Variants in CBLB observed in about 807,000 individuals in gnomAD.
CBLB encodes the protein E3 ubiquitin-protein ligase CBL-B.
CBLB carries 31 observed loss-of-function variants against 104.9 expected under a neutral mutation model. That is an observed-to-expected ratio of 0.30 (90% CI 0.22 to 0.40). The LOEUF (loss-of-function observed/expected upper bound fraction) is 0.40. CBLB is among the 10% of genes least tolerant of loss of function. The pLI is 1.00. For missense variants in CBLB, 1,062 were observed against 1,214.6 expected (o/e 0.87, Z 1.87); for synonymous variants, 440 against 422.6 (o/e 1.04, Z -0.51).
At chr3:105,865,036 T>A (rs1006280024) in intron 2 of CBLB, among the ~76,000 whole-genome samples, 2 of 152,206 alleles carry the variant, frequency 1.3e-5, no homozygotes, top group South Asian at 2.1e-4. Context: ...TTTTCTGTTA[T>A]TCACAAACTA....
intron 3 of CBLB, among the ~76,000 whole-genome samples, chr3:105,796,658 A>G (rs2153005733): frequency 6.6e-6 from 1 of 152,360 alleles, no homozygotes. Flanking sequence ...CAACCTACAG[A>G]ATGGGAGAAA....
At chr3:105,685,107 C>T (rs2152737578) in intron 14 of CBLB, among the ~76,000 whole-genome samples, 1 of 152,212 alleles carries the variant, frequency 6.6e-6, no homozygotes, top group South Asian at 2.1e-4. Flanking sequence ...GTGTTTAGAA[C>T]TGATAAAATA....
intron 2 of CBLB, among the ~76,000 whole-genome samples, chr3:105,855,507 T>C (rs1276531994): frequency 6.6e-6 from 1 of 152,232 alleles, no homozygotes; most frequent in African/African-American, 2.4e-5. Context: ...AGCATCATGT[T>C]ATACACCTTA....
chr3:105,789,859 T>C (rs963653165), intron 3 of CBLB, among the ~76,000 whole-genome samples: 10 of 152,320 alleles, frequency 6.6e-5, no homozygotes, highest in African/African-American at 1.4e-4. Context: ...CTATTAATAA[T>C]CCTACTTATT....
intron 3 of CBLB, among the ~76,000 whole-genome samples, chr3:105,840,858 G>A (rs1312478619): frequency 7.8e-6 from 1 of 128,656 alleles, no homozygotes; most frequent in Non-Finnish European, 1.6e-5. Context: ...AAAAGTGAAT[G>A]AAGTATTACT....
At chr3:105,684,496 C>T (rs1489912122) in intron 14 of CBLB, among the ~76,000 whole-genome samples, 1 of 152,120 alleles carries the variant, frequency 6.6e-6, no homozygotes, top group Non-Finnish European at 1.5e-5. Context: ...CCAAGGCTAT[C>T]CCCATGTAAG....
intron 9 of CBLB, among the ~76,000 whole-genome samples, chr3:105,725,903 G>A (rs1007057956): frequency 3.9e-5 from 6 of 151,948 alleles, no homozygotes; most frequent in African/African-American, 1.5e-4. Context: ...AGGCTGGGGT[G>A]CAGTGCCGTG....
chr3:105,678,932 A>C (rs2065971270), intron 16 of CBLB, among the ~76,000 whole-genome samples: 1 of 152,192 alleles, frequency 6.6e-6, no homozygotes, highest in South Asian at 2.1e-4. Flanking sequence ...TATCAGTCAC[A>C]CTATGAAAAC....
chr3:105,743,730 GA>G (rs2075838474), intron 6 of CBLB, among the ~76,000 whole-genome samples: 1 of 130,914 alleles, frequency 7.6e-6, no homozygotes. Context: ...TACTTTCCAA[GA>G]TAAAAAAAAA....
At chr3:105,696,103 T>C (rs552880425) in intron 12 of CBLB, among the ~76,000 whole-genome samples, 67 of 151,540 alleles carry the variant, frequency 4.4e-4, no homozygotes, top group Middle Eastern at 3.4e-3. Flanking sequence ...CACACACACA[T>C]ATATATAATT....
At chr3:105,731,345 A>T (rs2074290428) in intron 9 of CBLB, among the ~76,000 whole-genome samples, 1 of 152,222 alleles carries the variant, frequency 6.6e-6, no homozygotes, top group Non-Finnish European at 1.5e-5. Context: ...GAAACAACTT[A>T]CTGTATAATG....
chr3:105,848,986 T>C (rs2090618383), intron 3 of CBLB, among the ~76,000 whole-genome samples: 1 of 152,106 alleles, frequency 6.6e-6, no homozygotes, highest in South Asian at 2.1e-4. Context: ...GTACAGATTT[T>C]CATAGATCAA....
chr3:105,715,772 C>T (rs2071763416), intron 10 of CBLB, among the ~76,000 whole-genome samples: 1 of 152,170 alleles, frequency 6.6e-6, no homozygotes, highest in Non-Finnish European at 1.5e-5. Flanking sequence ...GGCACGGTGG[C>T]TCATGCCTGT....
At chr3:105,759,734 C>T (rs968635946) in intron 4 of CBLB, among the ~76,000 whole-genome samples, 3 of 152,168 alleles carry the variant, frequency 2.0e-5, no homozygotes, top group African/African-American at 7.2e-5. Flanking sequence ...CAGGCACTTC[C>T]AAGCCTGCTG....
chr3:105,777,975 CAAACA>C (rs2079683365), intron 3 of CBLB, among the ~76,000 whole-genome samples: 1 of 152,168 alleles, frequency 6.6e-6, no homozygotes, highest in Non-Finnish European at 1.5e-5. Context: ...TCCCCAGTTT[CAAACA>C]AACTTTATTT....
intron 12 of CBLB, among the ~76,000 whole-genome samples, chr3:105,694,377 AT>A (rs2068078526): frequency 6.6e-6 from 1 of 152,020 alleles, no homozygotes; most frequent in Non-Finnish European, 1.5e-5. Context: ...TTGCAGAAAC[AT>A]ATTCACAAGA....
intron 2 of CBLB, among the ~76,000 whole-genome samples, chr3:105,858,684 T>C (rs1000898202): frequency 2.0e-5 from 3 of 152,232 alleles, no homozygotes; most frequent in East Asian, 3.8e-4. Flanking sequence ...AATTCCACTA[T>C]AGCCATTGAC....
intron 3 of CBLB, among the ~76,000 whole-genome samples, chr3:105,778,425 A>G (rs2079744570): frequency 6.6e-6 from 1 of 152,228 alleles, no homozygotes; most frequent in Non-Finnish European, 1.5e-5. Flanking sequence ...TAATTTACAA[A>G]GGAGATACAT....
chr3:105,756,222 T>G (rs567129819), intron 4 of CBLB, among the ~76,000 whole-genome samples: 1 of 152,178 alleles, frequency 6.6e-6, no homozygotes, highest in Non-Finnish European at 1.5e-5. Flanking sequence ...TAGCTTTATA[T>G]GTAGAAAATA....
Sources: allele counts gnomAD v4.1 joint callset (sites outside exome capture counted in the v4.1 genomes callset), GRCh38; gene constraint gnomAD v4.1.1; transcripts MANE v1.5; gene names NCBI Gene and HGNC (gene_info 2026-07-23, HGNC 2026-07-21).